MAGEL2: variants seen among roughly 807,000 people sequenced by gnomAD.
MAGEL2 encodes the protein MAGE-like protein 2.
For synonymous variants in MAGEL2, 792 were observed against 721.7 expected (o/e 1.10, Z -1.56); for missense variants, 1,830 against 1,699.2 (o/e 1.08, Z -1.35).
chr15:23,644,531 C>G lies in MAGEL2; in HGVS notation c.3212G>C (p.Cys1071Ser). 6.2e-7 allele frequency: 1 copy of G among 1,613,802 alleles called. No homozygotes were observed. Among genetic ancestry groups the G allele is most frequent in the African/African-American group, 1.3e-5 (1 of 74,988 alleles). ...IINRANNKLECAFGYQLKEID... is the reference protein window; with the variant it reads ...IINRANNKLESAFGYQLKEID... ...TTCTTTCAATTGATAACCAAAGGCA[C>G]ACTCCAGCTTATTGTTGGCACGGTT... Residue 1071 changes from cysteine to serine, a missense_variant, in exon 1 of 1, where the codon TGT (cysteine) becomes TCT (serine). Coordinates refer to ENST00000650528, the MANE Select transcript of MAGEL2 (RefSeq NM_019066.5).
At position 23,646,275 on chromosome 15, in the gene MAGEL2, G is replaced by T; in HGVS notation, c.1468C>A (p.Pro490Thr). The T allele has an allele frequency of 2.9e-6, 4 of 1,367,528 alleles. No homozygotes were observed. Among genetic ancestry groups the T allele is most frequent in the Non-Finnish European group, 9.3e-7 (1 of 1,071,020 alleles). The allele number at this position is 1,367,528 out of a possible 1,614,324, so 84.7% of individuals were successfully genotyped here. A position where few individuals can be genotyped will look rare whatever the true frequency, so the allele number is the denominator to read the frequency against. Residue 490 changes from proline to threonine, a missense_variant, in exon 1 of 1, where the codon CCG becomes ACG. By Grantham distance (38) the Pro-to-Thr change is conservative. Transcript: ENST00000650528. This position sits in a 1 kb window ranked among gnomAD's most constrained non-coding sequence, Gnocchi z 4.2. Reference protein sequence around the residue: ...RQAPPVIRQAPPLIRQAPPPI... With the variant: ...RQAPPVIRQATPLIRQAPPPI... ...GGCGGCGCCTGGCGGATCAGCGGCG[G>T]GGCCTGGCGGATCACAGGTGGAGCC...
rs961636607 is a variant in MAGEL2, at chr15:23,646,105, T to A, written c.1638A>T (p.Pro546=). The A allele has an allele frequency of 1.4e-6, 2 of 1,413,660 alleles. No homozygotes were observed. Among genetic ancestry groups the A allele is most frequent in the African/African-American group, 1.5e-5 (1 of 65,404 alleles). 87.6% of individuals were successfully genotyped at this position (1,413,660 alleles called of 1,614,324 possible). A position where few individuals can be genotyped will look rare whatever the true frequency, so the allele number is the denominator to read the frequency against. Residue 546 remains proline (P), a synonymous_variant, in exon 1 of 1, where the codon CCA becomes CCT. Transcript: ENST00000650528. The surrounding 1 kb of genome is among the most constrained non-coding windows in gnomAD (Gnocchi z 4.2). ...VQAAPQVPTA[P]PATQVPAAPP... ...GCGCCGCGGGTACCTGCGTAGCAGG[T>A]GGGGCCGTAGGCACCTGCGGCGCCG...
chr15:23,645,300 T>G lies in MAGEL2; in HGVS notation c.2443A>C (p.Lys815Gln), dbSNP rs1185565269. Residue 815 changes from lysine (K) to glutamine (Q), a missense_variant, in exon 1 of 1, where the codon AAG becomes CAG. Physicochemically the swap from Lys to Gln is moderately conservative, Grantham distance 53. Transcript: ENST00000650528. ...KGPSAASETP[K>Q]SLPYALQDPF... ...TCCTGCAGAGCATATGGCAGTGACT[T>G]TGGGGTCTCTGAGGCAGCAGAGGGG... is the stretch of plus-strand genomic sequence containing the variant. 1 of 1,613,734 alleles carries G rather than the reference T, an allele frequency of 6.2e-7. No homozygotes were observed. The highest frequency in any genetic ancestry group is 8.5e-7 in the Non-Finnish European group (1 of 1,179,890).
Position 23,646,268 on chromosome 15 carries a change from A to G in MAGEL2, c.1475T>C (p.Leu492Pro), listed in dbSNP as rs1168516115. The G allele has an allele frequency of 1.5e-6, 2 of 1,360,126 alleles. No individual in the cohort carries two copies. The highest frequency in any genetic ancestry group is 1.6e-5 in the African/African-American group (1 of 64,194). 84.3% of individuals were successfully genotyped at this position (1,360,126 alleles called of 1,614,324 possible). ...GATGGGCGGCGGCGCCTGGCGGATC[A>G]GCGGCGGGGCCTGGCGGATCACAGG... The part of the protein sequence containing the change: ...APPVIRQAPP[L>P]IRQAPPPIRP... The change falls in exon 1 of 1, where the codon CTG becomes CCG. Residue 492 changes from leucine (L) to proline (P), a missense_variant. Physicochemically the swap from Leu to Pro is moderately conservative, Grantham distance 98. Transcript: ENST00000650528. The surrounding 1 kb of genome is among the most constrained non-coding windows in gnomAD (Gnocchi z 4.2).
rs767508556 is a variant in MAGEL2 at position 23,646,416 on chromosome 15, C to G, written c.1327G>C (p.Val443Leu). 30 of 1,388,050 alleles carry G rather than the reference C, an allele frequency of 2.2e-5. No homozygotes were observed. In the East Asian group the frequency reaches 5.7e-4, roughly 26 times the overall value. The allele number at this position is 1,388,050 out of a possible 1,614,324, so 86.0% of individuals were successfully genotyped here. ...APPLIRQAPPVIRQAPPVIRQ... is the reference protein window; with the variant it reads ...APPLIRQAPPLIRQAPPVIRQ... Reference sequence around the variant, plus strand: ...ATCACGGGTGGGGCCTGGCGGATCACCGGTGGGGCCTGGCGGATCAGCGGT... The same window carrying G: ...ATCACGGGTGGGGCCTGGCGGATCAGCGGTGGGGCCTGGCGGATCAGCGGT... Residue 443 changes from valine (V) to leucine (L), a missense_variant, in exon 1 of 1, where the codon GTG becomes CTG. Physicochemically the swap from Val to Leu is conservative, Grantham distance 32. Transcript: ENST00000650528. This position sits in a 1 kb window ranked among gnomAD's most constrained non-coding sequence, Gnocchi z 4.2.
chr15:23,646,141 C>A lies in MAGEL2; in HGVS notation c.1602G>T (p.Pro534=). 1 of 1,346,754 alleles carries A rather than the reference C, an allele frequency of 7.4e-7. No homozygotes were observed. The highest frequency in any genetic ancestry group is 1.9e-5 in the South Asian group (1 of 52,420). 83.4% of individuals were successfully genotyped at this position (1,346,754 alleles called of 1,614,324 possible). A position where few individuals can be genotyped will look rare whatever the true frequency, so the allele number is the denominator to read the frequency against. ...GCACCTGCGGCGCCGCCTGCACCTGCGGGGCCGGCAGCCTAGCCTGCGGGG... is the reference window on the plus strand; with the variant it reads ...GCACCTGCGGCGCCGCCTGCACCTGAGGGGCCGGCAGCCTAGCCTGCGGGG... ...RQAPQARLPA[P]QVQAAPQVPT... The change falls in exon 1 of 1, where the codon CCG becomes CCT. Residue 534 remains proline, a synonymous_variant. Coordinates refer to ENST00000650528, the MANE Select transcript of MAGEL2 (RefSeq NM_019066.5). This position sits in a 1 kb window ranked among gnomAD's most constrained non-coding sequence, Gnocchi z 4.2.
chr15:23,645,120 A>T lies in MAGEL2; in HGVS notation c.2623T>A (p.Ser875Thr). 1 of 1,613,668 alleles carries T rather than the reference A, an allele frequency of 6.2e-7. No homozygotes were observed. The highest frequency in any genetic ancestry group is 8.5e-7 in the Non-Finnish European group (1 of 1,179,896). Residue 875 changes from serine (S) to threonine (T), a missense_variant, in exon 1 of 1, where the codon TCC (serine) becomes ACC (threonine). Ser to Thr is a moderately conservative substitution (Grantham distance 58, BLOSUM62 1). Transcript: ENST00000650528. Reference sequence around the variant, plus strand: ...CCGGAGCGGCGTGGCGGCTCGACGGAGGTCTTGGAGGCCTCTTGAGTGGTG... The same window carrying T: ...CCGGAGCGGCGTGGCGGCTCGACGGTGGTCTTGGAGGCCTCTTGAGTGGTG... ...TATTQEASKTSVEPPRRSGKA... is the reference protein window; with the variant it reads ...TATTQEASKTTVEPPRRSGKA...
In MAGEL2 at chr15:23,644,012, C is replaced by T. The variant is rs1445437040; in HGVS notation, c.3731G>A (p.Ser1244Asn). 4.4e-6 allele frequency: 7 copies of T among 1,599,652 alleles called. No homozygotes were observed. The highest frequency in any genetic ancestry group is 6.0e-6 in the Non-Finnish European group (7 of 1,170,882). The change falls in exon 1 of 1, where the codon AGC becomes AAC. Residue 1244 changes from serine (S) to asparagine (N), a missense_variant. Ser to Asn is a conservative substitution (Grantham distance 46). Transcript: ENST00000650528. Reference sequence around the variant, plus strand: ...CACCTATTAGCGGGGAGGGGGCCTGCTGGTGGGGCCGTGGGCACTGTCACC... The same window carrying T: ...CACCTATTAGCGGGGAGGGGGCCTGTTGGTGGGGCCGTGGGCACTGTCACC... The part of the protein sequence containing the change: ...DTGDSAHGPT[S>N]RPPPR
chr15:23,647,607 G>A lies in MAGEL2; in HGVS notation c.136C>T (p.Pro46Ser). The change falls in exon 1 of 1, where the codon CCA becomes TCA. Residue 46 changes from proline to serine, a missense_variant. Transcript: ENST00000650528. ...GAAGCCTGCAAGTCAATTGGAGGTG[G>A]ATCCCAAGGGACTGGCGGAGCCCGG... ...SSRAPPVPWD[P>S]PPIDLQASLA... 1 of 1,536,896 alleles carries A rather than the reference G, an allele frequency of 6.5e-7. No individual in the cohort carries two copies. The highest frequency in any genetic ancestry group is 8.7e-7 in the Non-Finnish European group (1 of 1,146,856).
Position 23,646,023 on chromosome 15 carries a change from G to A in MAGEL2, c.1720C>T (p.Leu574=). ...PVLPAPLSAP[L]SAPQAVHCPS... is the part of the protein sequence containing the mutation. ...CAGTGCACAGCCTGCGGGGCAGACAGTGGGGCAGACAGCGGGGCCGGCAGC... is the reference window on the plus strand; with the variant it reads ...CAGTGCACAGCCTGCGGGGCAGACAATGGGGCAGACAGCGGGGCCGGCAGC... Residue 574 remains leucine (L), a synonymous_variant, in exon 1 of 1, where the codon CTG becomes TTG. Transcript: ENST00000650528. The surrounding 1 kb of genome is among the most constrained non-coding windows in gnomAD (Gnocchi z 4.2). 1 of 1,547,362 alleles carries A rather than the reference G, an allele frequency of 6.5e-7. No homozygotes were observed. The highest frequency in any genetic ancestry group is 8.7e-7 in the Non-Finnish European group (1 of 1,146,120).
Position 23,647,007 on chromosome 15 carries a change from C to T in MAGEL2, c.736G>A (p.Gly246Arg). Reference protein sequence around the residue: ...GVLMAQPLTPGVLMVQPAAPG... With the variant: ...GVLMAQPLTPRVLMVQPAAPG... ...GCAGCAGGCTGGACCATCAGGACTC[C>T]CGGAGTCAGAGGCTGGGCCATCAGG... The change falls in exon 1 of 1, where the codon GGA (glycine) becomes AGA (arginine). Residue 246 changes from glycine (G) to arginine (R), a missense_variant. Gly to Arg is a moderately radical substitution (Grantham distance 125). Coordinates refer to ENST00000650528, the MANE Select transcript of MAGEL2 (RefSeq NM_019066.5). 2 of 1,536,720 alleles carry T rather than the reference C, an allele frequency of 1.3e-6. No individual in the cohort carries two copies. Among genetic ancestry groups the T allele is most frequent in the South Asian group, 2.4e-5 (2 of 84,030 alleles).
At position 23,647,209 on chromosome 15, in the gene MAGEL2, C is replaced by T. The variant is rs532688869; in HGVS notation, c.534G>A (p.Pro178=). 34 of 1,519,490 alleles carry T rather than the reference C, an allele frequency of 2.2e-5. No individual in the cohort carries two copies. Among genetic ancestry groups the T allele is most frequent in the African/African-American group, 1.8e-4 (13 of 72,866 alleles). 94.1% of individuals were successfully genotyped at this position (1,519,490 alleles called of 1,614,324 possible). ...TCCCCGGAGGAGGAGGATGCACCAT[C>T]GGGGTCCCCGGAGGAGGAGGATGGG... The part of the protein sequence containing the change: ...PMAHPPPPGT[P]MVHPPPPGTP... The change falls in exon 1 of 1, where the codon CCG becomes CCA. Residue 178 remains proline (P), a synonymous_variant. Coordinates refer to ENST00000650528, the MANE Select transcript of MAGEL2 (RefSeq NM_019066.5).
chr15:23,646,500 G>T lies in MAGEL2; in HGVS notation c.1243C>A (p.Pro415Thr). 6.9e-7 allele frequency: 1 copy of T among 1,457,606 alleles called. No homozygotes were observed. The highest frequency in any genetic ancestry group is 1.4e-5 in the South Asian group (1 of 70,124). The allele number at this position is 1,457,606 out of a possible 1,614,324, so 90.3% of individuals were successfully genotyped here. A position where few individuals can be genotyped will look rare whatever the true frequency, so the allele number is the denominator to read the frequency against. The change falls in exon 1 of 1, where the codon CCC becomes ACC. Residue 415 changes from proline (P) to threonine (T), a missense_variant. Physicochemically the swap from Pro to Thr is conservative, Grantham distance 38. Transcript: ENST00000650528. This position sits in a 1 kb window ranked among gnomAD's most constrained non-coding sequence, Gnocchi z 4.2. ...VPPPMRQGPP[P>T]IRPGPPPIRP... ...ATGGGTGGTGGGCCAGGGCGGATGG[G>T]CGGGGGCCCCTGGCGCATGGGCGGC...
Position 23,645,014 on chromosome 15 carries a change from C to T in MAGEL2, c.2729G>A (p.Gly910Asp). 1 of 1,613,924 alleles carries T rather than the reference C, an allele frequency of 6.2e-7. No individual in the cohort carries two copies. Among genetic ancestry groups the T allele is most frequent in the Non-Finnish European group, 8.5e-7 (1 of 1,179,890 alleles). ...GHTLAFHDWQ[G>D]PRPWENLNLS... ...ATTTAGATTCTCCCAGGGCCTTGGG[C>T]CCTGCCAGTCATGAAAGGCTAGCGT... The change falls in exon 1 of 1, where the codon GGC becomes GAC. Residue 910 changes from glycine (G) to aspartate (D), a missense_variant. By Grantham distance (94) the Gly-to-Asp change is moderately conservative. Coordinates refer to ENST00000650528, the MANE Select transcript of MAGEL2 (RefSeq NM_019066.5).
In MAGEL2 at chr15:23,646,158, C is replaced by A. The variant is rs1890397906; in HGVS notation, c.1585G>T (p.Ala529Ser). ...TGCACCTGCGGGGCCGGCAGCCTAGCCTGCGGGGCCTGCCGCAGTGGAGGT... is the reference window on the plus strand; with the variant it reads ...TGCACCTGCGGGGCCGGCAGCCTAGACTGCGGGGCCTGCCGCAGTGGAGGT... ...PPPPLRQAPQ[A>S]RLPAPQVQAA... The change falls in exon 1 of 1, where the codon GCT becomes TCT. Residue 529 changes from alanine to serine, a missense_variant. By Grantham distance (99) the Ala-to-Ser change is moderately conservative. Coordinates refer to ENST00000650528, the MANE Select transcript of MAGEL2 (RefSeq NM_019066.5). This position sits in a 1 kb window ranked among gnomAD's most constrained non-coding sequence, Gnocchi z 4.2. The A allele has an allele frequency of 7.5e-7, 1 of 1,338,982 alleles. No homozygotes were observed. Among genetic ancestry groups the A allele is most frequent in the Non-Finnish European group, 9.5e-7 (1 of 1,053,364 alleles). 82.9% of individuals were successfully genotyped at this position (1,338,982 alleles called of 1,614,324 possible).
Position 23,643,887 on chromosome 15 carries a change from T to G in MAGEL2, c.*106A>C. On this transcript the variant is annotated 3_prime_UTR_variant, in exon 1 of 1. Transcript: ENST00000650528. ...CGAAACCAAGTTGAAAATCCAAACGTACACTCGTGGAACTGGAACACAAAC... is the reference window on the plus strand; with the variant it reads ...CGAAACCAAGTTGAAAATCCAAACGGACACTCGTGGAACTGGAACACAAAC... The G allele has an allele frequency of 7.7e-7, 1 of 1,291,702 alleles. No homozygotes were observed. The highest frequency in any genetic ancestry group is 1.0e-6 in the Non-Finnish European group (1 of 974,834). 80.0% of individuals were successfully genotyped at this position (1,291,702 alleles called of 1,614,324 possible).
At position 23,646,768 on chromosome 15, in the gene MAGEL2, C is replaced by A. The variant is rs1432678687; in HGVS notation, c.975G>T (p.Pro325=). 2 of 1,533,002 alleles carry A rather than the reference C, an allele frequency of 1.3e-6. No individual in the cohort carries two copies. The highest frequency in any genetic ancestry group is 8.7e-7 in the Non-Finnish European group (1 of 1,146,056). The allele number at this position is 1,533,002 out of a possible 1,614,324, so 95.0% of individuals were successfully genotyped here. A position where few individuals can be genotyped will look rare whatever the true frequency, so the allele number is the denominator to read the frequency against. Residue 325 remains proline (P), a synonymous_variant, in exon 1 of 1, where the codon CCG becomes CCT. Coordinates refer to ENST00000650528, the MANE Select transcript of MAGEL2 (RefSeq NM_019066.5). This position sits in a 1 kb window ranked among gnomAD's most constrained non-coding sequence, Gnocchi z 4.2. The stretch of plus-strand genomic sequence containing the variant: ...GAGCCTGCGGGGCCCAAGAAGCCAT[C>A]GGCTGTGCAGGTGGGGCCATCGGCT... The part of the protein sequence containing the change: ...PAQPMAPPAQ[P]MASWAPQAQP...
chr15:23,644,455 A>G lies in MAGEL2; in HGVS notation c.3288T>C (p.His1096=), dbSNP rs762154830. Reference sequence around the variant, plus strand: ...AATAGGATGCCACCAAATTCCCTGTATGGTAGCCCAGCTTGTTGATGATAA... The same window carrying G: ...AATAGGATGCCACCAAATTCCCTGTGTGGTAGCCCAGCTTGTTGATGATAA... ...AYIIINKLGY[H]TGNLVASYLD... is the part of the protein sequence containing the mutation. Residue 1096 remains histidine (H), a synonymous_variant, in exon 1 of 1, where the codon CAT becomes CAC. Transcript: ENST00000650528. 1.2e-6 allele frequency: 2 copies of G among 1,613,922 alleles called. No homozygotes were observed. The highest frequency in any genetic ancestry group is 4.5e-5 in the East Asian group (2 of 44,860).
chr15:23,646,628 G>C lies in MAGEL2; in HGVS notation c.1115C>G (p.Ser372Trp). 6.8e-7 allele frequency: 1 copy of C among 1,477,370 alleles called. No individual in the cohort carries two copies. Among genetic ancestry groups the C allele is most frequent in the South Asian group, 1.4e-5 (1 of 73,384 alleles). The allele number at this position is 1,477,370 out of a possible 1,614,324, so 91.5% of individuals were successfully genotyped here. ...TTGCTGCGTGGCCTGCCATCCTGGC[G>C]AGGTCGCCTGCCAGCCCGGGGGTGT... ...LATPPGWQAT[S>W]PGWQATQQGW... The change falls in exon 1 of 1, where the codon TCG becomes TGG. Residue 372 changes from serine (S) to tryptophan (W), a missense_variant. Physicochemically the swap from Ser to Trp is radical, Grantham distance 177. Coordinates refer to ENST00000650528, the MANE Select transcript of MAGEL2 (RefSeq NM_019066.5). This position sits in a 1 kb window ranked among gnomAD's most constrained non-coding sequence, Gnocchi z 4.2.
Sources: allele counts gnomAD v4.1 joint callset, GRCh38; gene constraint gnomAD v4.1.1; non-coding constraint Gnocchi (gnomAD v3.1); transcripts MANE v1.5; gene names NCBI Gene and HGNC (gene_info 2026-07-23, HGNC 2026-07-21).